The following ST18 variants were observed in gnomAD, a reference collection of about 807,000 sequenced individuals.
ST18 encodes the protein ST18 C2H2C-type zinc finger transcription factor.
A neutral mutation model predicts 110.0 loss-of-function variants in ST18; 50 were observed. The observed-to-expected ratio is 0.45, with a 90% CI of 0.36 to 0.58. ST18 has a LOEUF of 0.58. Among genes scored for constraint, ST18 ranks in the 20% least tolerant of loss-of-function variants. The pLI, the probability that ST18 is intolerant of heterozygous loss-of-function variation, is 0.00. For missense variants in ST18, 1,306 were observed against 1,280.1 expected, an observed-to-expected ratio of 1.02 and a Z score of -0.31; for synonymous variants, 461 against 452.4, an observed-to-expected ratio of 1.02 and a Z score of -0.24.
intron 8 of ST18, among the ~76,000 whole-genome samples, chr8:52,209,117 A>G (rs1385696981): frequency 6.6e-6 from 1 of 152,224 alleles, no homozygotes; most frequent in Non-Finnish European, 1.5e-5. Context: ...ATCTTAAAGT[A>G]TATTATTTGT....
rs1296110548 is a variant in ST18 at position 52,111,387 on chromosome 8, G to T, written c.*1811C>A. The T allele has an allele frequency of 6.0e-6, 1 of 165,830 alleles. No individual in the cohort carries two copies. The highest frequency in any genetic ancestry group is 1.3e-5 in the Non-Finnish European group (1 of 76,978). 10.3% of individuals were successfully genotyped at this position (165,830 alleles called of 1,614,324 possible). A position where few individuals can be genotyped will look rare whatever the true frequency, so the allele number is the denominator to read the frequency against. ...CCCATTTATAATAGACAGCACATATGGTAGCTCATTTTTTAAAACTGATTT... is the reference window on the plus strand; with the variant it reads ...CCCATTTATAATAGACAGCACATATTGTAGCTCATTTTTTAAAACTGATTT... On this transcript the variant is annotated 3_prime_UTR_variant, in exon 26 of 26. Transcript: ENST00000689386.
intron 3 of ST18, among the ~76,000 whole-genome samples, chr8:52,225,289 TA>T (rs1201146927): frequency 6.6e-6 from 1 of 152,254 alleles, no homozygotes; most frequent in East Asian, 1.9e-4. Flanking sequence ...GTAATTAACA[TA>T]ACTGCATTTA....
At chr8:52,371,984 A>G (rs1381999390) in intron 2 of ST18, among the ~76,000 whole-genome samples, 1 of 152,204 alleles carries the variant, frequency 6.6e-6, no homozygotes, top group Non-Finnish European at 1.5e-5. Flanking sequence ...CCTTCTGCTT[A>G]TTTAAAAAAA....
chr8:52,173,905 A>G (rs558760093), intron 9 of ST18, among the ~76,000 whole-genome samples: 2 of 152,276 alleles, frequency 1.3e-5, no homozygotes, highest in Admixed American at 6.5e-5. Flanking sequence ...GTCTCATTTA[A>G]TTTTTTATAA....
At chr8:52,122,478 T>C (rs921014916) in intron 23 of ST18, among the ~76,000 whole-genome samples, 3 of 151,818 alleles carry the variant, frequency 2.0e-5, no homozygotes, top group African/African-American at 7.3e-5. Context: ...TTCTATTATT[T>C]ATTTATTTAT....
chr8:52,316,025 A>G (rs2096018852), intron 2 of ST18, among the ~76,000 whole-genome samples: 1 of 152,232 alleles, frequency 6.6e-6, no homozygotes, highest in Non-Finnish European at 1.5e-5. Context: ...GGACCCATTA[A>G]AATTACTGTG....
At chr8:52,158,796 T>G in intron 15 of ST18, 102 bp downstream of exon 15, 1 of 1,324,850 alleles carries the variant, frequency 7.5e-7, no homozygotes, top group Non-Finnish European at 1.1e-6. Flanking sequence ...GCTTCAGAGG[T>G]TGGGGAGCAG....
intron 2 of ST18, among the ~76,000 whole-genome samples, chr8:52,274,683 G>C (rs888433131): frequency 6.6e-6 from 1 of 152,082 alleles, no homozygotes; most frequent in Non-Finnish European, 1.5e-5. Flanking sequence ...TTGCATTCTA[G>C]TTGCACATAG....
rs537072288 is a variant in ST18 at position 52,365,984 on chromosome 8, G to GT, written c.-465+43343dup. On this transcript the variant is annotated intron_variant, in intron 2 of 25. Coordinates refer to ENST00000689386, the MANE Select transcript of ST18 (RefSeq NM_001352837.2). ...ACCAAAGCCAGGCACAGTTTTGAGT[G>GT]TATCTCATGGATTACTTCATTAGAC... Among the ~76,000 whole-genome samples, 356 of 152,052 alleles carry GT rather than the reference G, an allele frequency of 2.3e-3. 3 individuals carry two copies. The highest frequency in any genetic ancestry group is 4.7e-4 in the Non-Finnish European group (32 of 67,982).
chr8:52,239,285 A>G (rs1015613581), intron 2 of ST18, among the ~76,000 whole-genome samples: 19 of 152,182 alleles, frequency 1.2e-4, no homozygotes, highest in African/African-American at 4.6e-4. Context: ...ATGGTGATGA[A>G]TGCAAAACTC....
At chr8:52,268,475 CTATCTATCT>C (rs1406290351) in intron 2 of ST18, among the ~76,000 whole-genome samples, 4 of 91,984 alleles carry the variant, frequency 4.3e-5, no homozygotes, top group Non-Finnish European at 1.2e-4. Flanking sequence ...TATCATCTAT[CTATCTATCT>C]ATCTATCTAT....
chr8:52,162,103 CA>C (rs1479696369), intron 13 of ST18, among the ~76,000 whole-genome samples: 1 of 152,060 alleles, frequency 6.6e-6, no homozygotes, highest in African/African-American at 2.4e-5. Context: ...CCCAGCTACT[CA>C]GGAGGCTGAG....
At chr8:52,152,724 T>A (rs1184996787) in intron 15 of ST18, among the ~76,000 whole-genome samples, 1 of 152,264 alleles carries the variant, frequency 6.6e-6, no homozygotes, top group Non-Finnish European at 1.5e-5. Flanking sequence ...GGTAATTTTA[T>A]AAATTTAATG....
chr8:52,167,013 C>A, intron 10 of ST18, 27 bp from the exon 11 acceptor site: 1 of 1,585,740 alleles, frequency 6.3e-7, no homozygotes, highest in Non-Finnish European at 8.6e-7. Flanking sequence ...TTGAGAAATG[C>A]ATTTGGTTAT....
intron 2 of ST18, among the ~76,000 whole-genome samples, chr8:52,238,119 G>A (rs565479004): frequency 6.6e-6 from 1 of 152,298 alleles, no homozygotes; most frequent in East Asian, 1.9e-4. Context: ...TAGTAGAAAT[G>A]TAAAATGTTC....
chr8:52,405,942 T>C (rs1337618354), intron 2 of ST18: 1 of 152,162 alleles, frequency 6.6e-6, no homozygotes, highest in Non-Finnish European at 1.5e-5. Context: ...AGACTTTGAG[T>C]TCGACGTGGA....
At chr8:52,236,287 G>A (rs1434131651) in intron 2 of ST18, among the ~76,000 whole-genome samples, 1 of 152,188 alleles carries the variant, frequency 6.6e-6, no homozygotes, top group Non-Finnish European at 1.5e-5. Flanking sequence ...GCAAACTTAA[G>A]TCACTCTTTC....
chr8:52,287,543 C>T (rs1042535713), intron 2 of ST18, among the ~76,000 whole-genome samples: 12 of 151,984 alleles, frequency 7.9e-5, no homozygotes, highest in African/African-American at 2.2e-4. Context: ...AGAACAAATC[C>T]TTAATAGAAA....
chr8:52,149,197 T>C (rs994774561), intron 16 of ST18, among the ~76,000 whole-genome samples: 12 of 152,210 alleles, frequency 7.9e-5, no homozygotes, highest in Non-Finnish European at 4.4e-5. Context: ...AATACACAAA[T>C]AGGTCTCCTT....
Sources: allele counts gnomAD v4.1 joint callset (sites outside exome capture counted in the v4.1 genomes callset), GRCh38; gene constraint gnomAD v4.1.1; transcripts MANE v1.5; gene names NCBI Gene and HGNC (gene_info 2026-07-23, HGNC 2026-07-21).